Variants in RFT1 observed in about 807,000 individuals in gnomAD.
RFT1 encodes the protein man(5)GlcNAc(2)-PP-dolichol translocation protein RFT1.
In RFT1, 43 loss-of-function variants were observed where a neutral mutation model predicts 62.2. That is an observed-to-expected ratio of 0.69 (90% CI 0.54 to 0.89). The LOEUF (loss-of-function observed/expected upper bound fraction) is 0.89, where lower values mean the gene tolerates loss of function less well. RFT1 is among the 40% of genes least tolerant of loss of function. RFT1 has a pLI of 0.00. For missense variants in RFT1, 605 were observed against 649.9 expected (o/e 0.93, Z 0.75); for synonymous variants, 262 against 264.6 (o/e 0.99, Z 0.10).
intron 4 of RFT1, among the ~76,000 whole-genome samples, chr3:53,122,032 A>G (rs1008106795): frequency 1.3e-5 from 2 of 152,348 alleles, no homozygotes; most frequent in African/African-American, 2.4e-5. Context: ...TTTGTAATCT[A>G]TTATAAAAGA....
chr3:53,111,844 T>G lies in RFT1; in HGVS notation c.761A>C (p.Gln254Pro). 1.9e-6 allele frequency: 3 copies of G among 1,613,898 alleles called. No individual in the cohort carries two copies. Among genetic ancestry groups the G allele is most frequent in the Non-Finnish European group, 2.5e-6 (3 of 1,179,774 alleles). ...WSFFKQSFLK[Q>P]ILTEGERYVM... ...CGTCTACTTACCTTCTGTCAAAATCTGTTTCAAGAAAGACTGTTTGAAAAA... is the reference window on the plus strand; with the variant it reads ...CGTCTACTTACCTTCTGTCAAAATCGGTTTCAAGAAAGACTGTTTGAAAAA... The change falls in exon 7 of 13, where the codon CAG (glutamine) becomes CCG (proline). Residue 254 changes from glutamine (Q) to proline (P), a missense_variant. Gln to Pro is a moderately conservative substitution (Grantham distance 76). Coordinates refer to ENST00000296292, the MANE Select transcript of RFT1 (RefSeq NM_052859.4).
intron 9 of RFT1, among the ~76,000 whole-genome samples, 171 bp downstream of exon 9, chr3:53,105,502 G>A (rs929576857): frequency 1.3e-5 from 2 of 151,138 alleles, no homozygotes; most frequent in African/African-American, 4.9e-5. Flanking sequence ...AGAAGGCCAC[G>A]AAAGAAGAGG....
chr3:53,101,343 C>A (rs1701307635), intron 10 of RFT1, among the ~76,000 whole-genome samples: 2 of 152,124 alleles, frequency 1.3e-5, no homozygotes, highest in African/African-American at 4.8e-5. Flanking sequence ...AGTGTGCCTC[C>A]TGCTTCTCCC....
rs1008472283 is a variant in RFT1 at position 53,125,997 on chromosome 3, A to G, written c.64-3T>C. ...AAGGTGATCAACCGAAACAACACCT[A>G]TAGAAAAAGAGGAAAAATACGTAAG... is the stretch of plus-strand genomic sequence containing the variant. On this transcript the variant is annotated splice_polypyrimidine_tract_variant and splice_region_variant and intron_variant, in intron 1 of 12. Coordinates refer to ENST00000296292, the MANE Select transcript of RFT1 (RefSeq NM_052859.4). 1 of 1,609,636 alleles carries G rather than the reference A, an allele frequency of 6.2e-7. No individual in the cohort carries two copies. The highest frequency in any genetic ancestry group is 8.5e-7 in the Non-Finnish European group (1 of 1,176,392).
intron 6 of RFT1, 141 bp from the exon 7 acceptor site, chr3:53,112,049 C>T (rs1274518415): frequency 1.4e-6 from 1 of 726,536 alleles, no homozygotes; most frequent in East Asian, 2.6e-5. Context: ...CAATGCTAAG[C>T]ACACAGAAGG....
At chr3:53,079,897 T>A in the RFT1 span, among the ~76,000 whole-genome samples, 1 of 152,014 alleles carries the variant, frequency 6.6e-6, no homozygotes, top group South Asian at 2.1e-4. Context: ...GATGAGTGGG[T>A]TCAAGGTGAG....
intron 2 of RFT1, among the ~76,000 whole-genome samples, chr3:53,125,216 G>C (rs1702076239): frequency 6.6e-6 from 1 of 152,204 alleles, no homozygotes; most frequent in Non-Finnish European, 1.5e-5. Flanking sequence ...ATGAAATGCT[G>C]TCTGGAACAT....
the RFT1 span, among the ~76,000 whole-genome samples, chr3:53,075,218 T>G: frequency 1.9e-4 from 29 of 152,344 alleles, no homozygotes; most frequent in Admixed American, 1.7e-3. Context: ...GACAACCACA[T>G]ACTTTCTTCT....
intron 1 of RFT1, among the ~76,000 whole-genome samples, chr3:53,129,132 G>A (rs190783063): frequency 2.8e-4 from 42 of 152,188 alleles, no homozygotes; most frequent in Admixed American, 5.9e-4. Context: ...AAATCCCTAG[G>A]TAAACTTAGA....
chr3:53,082,546 T>A, the RFT1 span, among the ~76,000 whole-genome samples: 64 of 152,064 alleles, frequency 4.2e-4, no homozygotes, highest in African/African-American at 1.4e-3. Flanking sequence ...AGCCCAGAGC[T>A]AAAGGGGGCT....
At chr3:53,120,934 G>A (rs1701951961) in intron 5 of RFT1, among the ~76,000 whole-genome samples, 1 of 152,162 alleles carries the variant, frequency 6.6e-6, no homozygotes, top group South Asian at 2.1e-4. Flanking sequence ...AAGCTCCAGC[G>A]GCACTGCTGT....
chr3:53,109,015 G>A (rs978306880), intron 7 of RFT1, among the ~76,000 whole-genome samples: 4 of 152,098 alleles, frequency 2.6e-5, no homozygotes, highest in African/African-American at 9.7e-5. Flanking sequence ...CCTTAATTCT[G>A]TATTTGTGGG....
chr3:53,113,901 T>C (rs554024739), intron 6 of RFT1, among the ~76,000 whole-genome samples: 4 of 152,274 alleles, frequency 2.6e-5, no homozygotes, highest in South Asian at 4.1e-4. Context: ...TTTCTGAGCC[T>C]TTTTTCCAGA....
chr3:53,073,882 G>C, the RFT1 span, among the ~76,000 whole-genome samples: 2 of 152,196 alleles, frequency 1.3e-5, no homozygotes, highest in Admixed American at 6.5e-5. Context: ...ACAGGGCTTC[G>C]AAGTTCTGAC....
At chr3:53,112,203 ACACGTACAGCT>A (rs1332735612) in intron 6 of RFT1, among the ~76,000 whole-genome samples, 2 of 152,252 alleles carry the variant, frequency 1.3e-5, no homozygotes, top group African/African-American at 4.8e-5. Context: ...ACCACAGCTA[ACACGTACAGCT>A]CACAGTTTGT....
chr3:53,113,198 TAG>T (rs1701700388), intron 6 of RFT1, among the ~76,000 whole-genome samples: 1 of 151,912 alleles, frequency 6.6e-6, no homozygotes, highest in Non-Finnish European at 1.5e-5. Flanking sequence ...AAAATTTTTG[TAG>T]AGATGAGGGT....
intron 6 of RFT1, among the ~76,000 whole-genome samples, chr3:53,112,232 T>A (rs1187904496): frequency 6.6e-6 from 1 of 152,224 alleles, no homozygotes; most frequent in Admixed American, 6.5e-5. Context: ...TGTTCTTTCC[T>A]TAAAAACTGT....
chr3:53,129,144 T>C (rs1702191214), intron 1 of RFT1, among the ~76,000 whole-genome samples: 1 of 152,264 alleles, frequency 6.6e-6, no homozygotes, highest in South Asian at 2.1e-4. Context: ...AAACTTAGAA[T>C]GGCTAACATT....
At chr3:53,103,221 G>A (rs1559585827) in intron 10 of RFT1, 1 of 985,354 alleles carries the variant, frequency 1.0e-6, no homozygotes, top group East Asian at 1.1e-4. Context: ...CCTTTATATT[G>A]AGATGGGGCA....
Sources: gnomAD v4.1 joint callset for allele counts (sites outside exome capture counted in the v4.1 genomes callset) on GRCh38, gnomAD v4.1.1 for gene constraint, MANE v1.5 for transcripts, NCBI Gene and HGNC (gene_info 2026-07-23, HGNC 2026-07-21) for gene names.